Variants in MEIS3 observed in about 807,000 individuals in gnomAD.
MEIS3 encodes Meis homeobox 3, also known as homeobox protein Meis3.
Under a neutral mutation model 51.4 loss-of-function variants are expected in MEIS3, and 38 were observed. The observed-to-expected ratio is 0.74, with a 90% CI of 0.57 to 0.97. The LOEUF (loss-of-function observed/expected upper bound fraction) is 0.97, where lower values mean the gene tolerates loss of function less well. Ranked by LOEUF, MEIS3 falls within the 50% of genes least tolerant of loss-of-function variation. The pLI, the probability that MEIS3 is intolerant of heterozygous loss-of-function variation, is 0.00. For missense variants in MEIS3, 456 were observed against 502.6 expected, an observed-to-expected ratio of 0.91 and a Z score of 0.89; for synonymous variants, 198 against 201.8, an observed-to-expected ratio of 0.98 and a Z score of 0.16.
Position 47,416,827 on chromosome 19 carries a change from C to A in MEIS3, c.322G>T (p.Asp108Tyr). Reference protein sequence around the residue: ...DVCSSDSFNEDIAAFAKQVRS... With the variant: ...DVCSSDSFNEYIAAFAKQVRS... Reference sequence around the variant, plus strand: ...ACCTGCTTGGCAAAGGCAGCGATGTCCTCGTTGAAGGAATCAGAGGAGCAG... The same window carrying A: ...ACCTGCTTGGCAAAGGCAGCGATGTACTCGTTGAAGGAATCAGAGGAGCAG... Residue 108 changes from aspartate to tyrosine, a missense_variant, in exon 3 of 13, where the codon GAC (aspartate) becomes TAC (tyrosine). By Grantham distance (160) the Asp-to-Tyr change is radical (BLOSUM62 -3). Coordinates refer to ENST00000558555, the MANE Select transcript of MEIS3 (RefSeq NM_001301059.2). The A allele has an allele frequency of 6.2e-7, 1 of 1,613,842 alleles. No homozygotes were observed. Among genetic ancestry groups the A allele is most frequent in the Non-Finnish European group, 8.5e-7 (1 of 1,179,908 alleles).
chr19:47,416,982 A>C lies in MEIS3; in HGVS notation c.186-19T>G. On this transcript the variant is annotated intron_variant, in intron 2 of 12. Transcript: ENST00000558555. ...CGGGTGTCTGGGGAGGCAGGAAAGG[A>C]GAGAGGTTGAGGGAGAGGCTGGGAG... 6.4e-7 allele frequency: 1 copy of C among 1,562,490 alleles called. No homozygotes were observed. Among genetic ancestry groups the C allele is most frequent in the Non-Finnish European group, 8.7e-7 (1 of 1,153,558 alleles).
At chr19:47,413,118 C>G (rs977750110) in intron 6 of MEIS3, among the ~76,000 whole-genome samples, 1 of 150,476 alleles carries the variant, frequency 6.6e-6, no homozygotes, top group Non-Finnish European at 1.5e-5. Flanking sequence ...AGGACTTGGC[C>G]GGCTGCAGTG....
Position 47,403,542 on chromosome 19 carries a change from C to T in MEIS3, c.*29G>A, listed in dbSNP as rs1182117469. On this transcript the variant is annotated 3_prime_UTR_variant, in exon 13 of 13. Transcript: ENST00000558555. ...CAGGTGTGAGGCTGGGGGTCACAGC[C>T]GGAGGCTGGGTCTGTGGAGAGGGGA... is the stretch of plus-strand genomic sequence containing the variant. The T allele has an allele frequency of 1.8e-5, 8 of 447,270 alleles. No individual in the cohort carries two copies. Among genetic ancestry groups the T allele is most frequent in the South Asian group, 4.7e-5 (3 of 63,234 alleles). 27.7% of individuals were successfully genotyped at this position (447,270 alleles called of 1,614,324 possible).
intron 1 of MEIS3, chr19:47,417,904 C>A: frequency 1.7e-6 from 1 of 584,458 alleles, no homozygotes; most frequent in South Asian, 2.1e-5. Flanking sequence ...ATGTGTCAGT[C>A]ACACCCAAAT....
intron 1 of MEIS3, chr19:47,418,860 A>T (rs1971590782): frequency 2.7e-6 from 1 of 376,766 alleles, no homozygotes; most frequent in Non-Finnish European, 4.6e-6. Context: ...GATGGGGAGG[A>T]GGCGAGGCCG....
At chr19:47,417,881 C>G (rs994638800) in intron 1 of MEIS3, 2 of 595,556 alleles carry the variant, frequency 3.4e-6, no homozygotes, top group Non-Finnish European at 3.0e-6. Context: ...CACACCAACC[C>G]ACGTGCACAC....
At position 47,406,261 on chromosome 19, in the gene MEIS3, C is replaced by G. The variant is rs112557384; in HGVS notation, c.*17+199G>C. ...GAGTGAGTGGGTAGATGGATGGATA[C>G]ATGGAGGAGGAGGATGGATGGATGG... On this transcript the variant is annotated intron_variant, in intron 12 of 12. Transcript: ENST00000558555. 2.7e-3 allele frequency: 1,359 copies of G among 510,088 alleles called. 15 individuals are homozygous for G. Among genetic ancestry groups the G allele is most frequent in the African/African-American group, 0.024 (1,187 of 50,078 alleles). The allele number at this position is 510,088 out of a possible 1,614,324, so 31.6% of individuals were successfully genotyped here.
In MEIS3 at chr19:47,407,083, G is replaced by A. The variant is rs1361042705; in HGVS notation, c.990C>T (p.Arg330=). The change falls in exon 10 of 13, where the codon CGC becomes CGT. Residue 330 remains arginine, a synonymous_variant. Transcript: ENST00000558555. ...IVQPMIDQSN[R]TGQGAAFSPE... ...GTCCCCGCCTTCCCCCTGTACCTGT[G>A]CGGTTGGATTGATCGATCATAGGTT... 2 of 1,611,086 alleles carry A rather than the reference G, an allele frequency of 1.2e-6. No individual in the cohort carries two copies. Among genetic ancestry groups the A allele is most frequent in the South Asian group, 1.1e-5 (1 of 90,096 alleles).
At chr19:47,420,200 A>G (rs1971654167), upstream of MEIS3, among the ~76,000 whole-genome samples, 1 of 152,204 alleles carries the variant, frequency 6.6e-6, no homozygotes, top group Non-Finnish European at 1.5e-5. Context: ...TTTGGAGCAG[A>G]AAATTAATTT....
Position 47,414,798 on chromosome 19 carries a change from G to C in MEIS3, c.516C>G (p.Asp172Glu). The C allele has an allele frequency of 6.2e-7, 1 of 1,613,638 alleles. No individual in the cohort carries two copies. Among genetic ancestry groups the C allele is most frequent in the Non-Finnish European group, 8.5e-7 (1 of 1,179,938 alleles). Residue 172 changes from aspartate to glutamate, a missense_variant, in exon 6 of 13, where the codon GAC becomes GAG. Asp to Glu is a conservative substitution (Grantham distance 45, BLOSUM62 2). Coordinates refer to ENST00000558555, the MANE Select transcript of MEIS3 (RefSeq NM_001301059.2). ...CGCCGTCCCGATCCTCGATGACCAG[G>C]TCGATGGGCATCTTTCCCTTGAGGC... ...ITCLKGKMPI[D>E]LVIEDRDGGC...
Position 47,407,058 on chromosome 19 carries a change from G to A in MEIS3, c.994+21C>T, listed in dbSNP as rs113878881. The A allele has an allele frequency of 1.6e-3, 2,500 of 1,605,102 alleles. 38 individuals are homozygous for A. In the African/African-American group the frequency reaches 0.028, roughly 18 times the overall value. The stretch of plus-strand genomic sequence containing the variant: ...CCCTCCTAAGAACCCCAGGCTCTCC[G>A]TCCCCGCCTTCCCCCTGTACCTGTG... On this transcript the variant is annotated intron_variant, in intron 10 of 12. Coordinates refer to ENST00000558555, the MANE Select transcript of MEIS3 (RefSeq NM_001301059.2).
chr19:47,413,303 G>A (rs770692234), intron 6 of MEIS3, among the ~76,000 whole-genome samples: 2 of 151,518 alleles, frequency 1.3e-5, no homozygotes, highest in Non-Finnish European at 2.9e-5. Flanking sequence ...TGAGGCAGGG[G>A]AATAGCTTGA....
intron 1 of MEIS3, chr19:47,417,650 A>G: frequency 1.4e-6 from 1 of 702,852 alleles, no homozygotes; most frequent in Non-Finnish European, 2.6e-6. Flanking sequence ...AAGTGGCGTG[A>G]GAAGACAGTG....
chr19:47,409,569 T>C (rs1394717733), intron 6 of MEIS3, 22 bp from the exon 7 acceptor site: 2 of 1,595,174 alleles, frequency 1.3e-6, no homozygotes, highest in Admixed American at 1.7e-5. Context: ...GAGTTAGAAG[T>C]TAGTGCCAAG....
chr19:47,419,103 C>A lies in MEIS3; in HGVS notation c.-22G>T, dbSNP rs1393804526. On this transcript the variant is annotated 5_prime_UTR_variant, in exon 1 of 13. Coordinates refer to ENST00000558555, the MANE Select transcript of MEIS3 (RefSeq NM_001301059.2). ...CCATGGGCTGAGGCCGGCGGCAGCT[C>A]CTGGGTCCCTCCAGAGCCTGGCCGC... The A allele has an allele frequency of 1.6e-6, 2 of 1,241,850 alleles. No homozygotes were observed. Among genetic ancestry groups the A allele is most frequent in the Non-Finnish European group, 2.0e-6 (2 of 994,008 alleles). The allele number at this position is 1,241,850 out of a possible 1,614,324, so 76.9% of individuals were successfully genotyped here.
chr19:47,406,185 T>G, intron 12 of MEIS3: 1 of 339,496 alleles, frequency 2.9e-6, no homozygotes. Context: ...GATGGATGGA[T>G]TGCGGGTGAA....
rs115547124 is a variant in MEIS3, at chr19:47,408,905, C to T, written c.858+194G>A. ...GGGGAGGACTTAGTGAGTTAAGTGT[C>T]CTGAGCGGCACCTGCACTCAGGTGA... On this transcript the variant is annotated intron_variant, in intron 8 of 12. Transcript: ENST00000558555. Among the ~76,000 whole-genome samples the T allele has an allele frequency of 8.0e-3, 1,211 of 152,110 alleles. 17 individuals carry two copies. The highest frequency in any genetic ancestry group is 0.027 in the African/African-American group (1,135 of 41,486).
chr19:47,415,433 C>T (rs1971359890), intron 4 of MEIS3, among the ~76,000 whole-genome samples: 1 of 152,086 alleles, frequency 6.6e-6, no homozygotes, highest in South Asian at 2.1e-4. Flanking sequence ...GCCCCCAGCT[C>T]CAGGCCCCAC....
At chr19:47,420,601 G>C (rs954664553), upstream of MEIS3, among the ~76,000 whole-genome samples, 1 of 151,434 alleles carries the variant, frequency 6.6e-6, no homozygotes, top group African/African-American at 2.4e-5. Flanking sequence ...CAGACAGGAG[G>C]GGGAGGGAGT....
Sources: allele counts gnomAD v4.1 joint callset (sites outside exome capture counted in the v4.1 genomes callset), GRCh38; gene constraint gnomAD v4.1.1; transcripts MANE v1.5; gene names NCBI Gene and HGNC (gene_info 2026-07-23, HGNC 2026-07-21).